NUB1: variants seen among roughly 807,000 people sequenced by gnomAD.
The protein encoded by NUB1 is NEDD8 ultimate buster 1.
Under a neutral mutation model 77.1 loss-of-function variants are expected in NUB1, and 41 were observed. The observed-to-expected ratio is 0.53, with a 90% CI of 0.41 to 0.69. The LOEUF (loss-of-function observed/expected upper bound fraction) is 0.69, where lower values mean the gene tolerates loss of function less well. Among genes scored for constraint, NUB1 ranks in the 30% least tolerant of loss-of-function variants. The pLI is 0.00. For synonymous variants in NUB1, 257 were observed against 281.0 expected, an observed-to-expected ratio of 0.91 and a Z score of 0.85; for missense variants, 643 against 743.8, an observed-to-expected ratio of 0.86 and a Z score of 1.58.
chr7:151,362,209 ATAAT>A (rs1797409617), intron 8 of NUB1, among the ~76,000 whole-genome samples: 2 of 152,192 alleles, frequency 1.3e-5, no homozygotes, highest in Non-Finnish European at 2.9e-5. Flanking sequence ...TAATGAAATA[ATAAT>A]TAACAATGTC....
At position 151,343,563 on chromosome 7, in the gene NUB1, T is replaced by G. The variant is rs969727367; in HGVS notation, c.-3+1717T>G. ...AATAACATTTTTCTTTACTTATTGC[T>G]TGTCTGATTTGGGAAACCTTAAAGC... On this transcript the variant is annotated intron_variant, in intron 1 of 14. Coordinates refer to ENST00000568733, the MANE Select transcript of NUB1 (RefSeq NM_001243351.2). Among the ~76,000 whole-genome samples, 125 of 152,330 alleles carry G rather than the reference T, an allele frequency of 8.2e-4. 1 individual carries two copies. The highest frequency in any genetic ancestry group is 2.6e-3 in the African/African-American group (107 of 41,564).
intron 1 of NUB1, among the ~76,000 whole-genome samples, chr7:151,344,333 C>T (rs150867880): frequency 0.075 from 11,180 of 149,876 alleles, 1,343 homozygotes; most frequent in African/African-American, 0.25. Flanking sequence ...TATTTTGAGA[C>T]GGAGTCTCAC....
rs755288080 is a variant in NUB1, at chr7:151,367,990, C to G, written c.1095+22C>G. 53 of 1,288,596 alleles carry G rather than the reference C, an allele frequency of 4.1e-5. 2 individuals carry two copies. In the South Asian group the frequency reaches 6.8e-4, roughly 16 times the overall value. 79.8% of individuals were successfully genotyped at this position (1,288,596 alleles called of 1,614,324 possible). ...CAAGGTAAGAAAAGTAAAGTTGTAA[C>G]CAATTTTCACCTCCTTTTAAAAAAC... On this transcript the variant is annotated intron_variant, in intron 10 of 14. Coordinates refer to ENST00000568733, the MANE Select transcript of NUB1 (RefSeq NM_001243351.2).
intron 8 of NUB1, chr7:151,360,801 A>C (rs1451354481): frequency 1.3e-5 from 2 of 151,492 alleles, no homozygotes; most frequent in African/African-American, 4.9e-5. Flanking sequence ...TGCCCAGATA[A>C]TTTTTTTGTA....
chr7:151,344,114 G>A (rs1796347519), intron 1 of NUB1, among the ~76,000 whole-genome samples: 1 of 137,572 alleles, frequency 7.3e-6, no homozygotes, highest in Admixed American at 7.6e-5. Context: ...CCGGGAGGCG[G>A]AGCTTGCAGT....
At chr7:151,359,706 G>A (rs1797278201) in intron 7 of NUB1, among the ~76,000 whole-genome samples, 1 of 152,074 alleles carries the variant, frequency 6.6e-6, no homozygotes, top group Non-Finnish European at 1.5e-5. Flanking sequence ...GAACCCAGGA[G>A]GCAGAGGTTG....
chr7:151,361,482 A>G (rs1256769307), intron 8 of NUB1, among the ~76,000 whole-genome samples: 3 of 152,222 alleles, frequency 2.0e-5, no homozygotes, highest in Non-Finnish European at 4.4e-5. Flanking sequence ...AGGAATCAGC[A>G]ATTTCCCAAG....
intron 12 of NUB1, chr7:151,374,450 G>T: frequency 1.5e-6 from 1 of 660,990 alleles, no homozygotes; most frequent in Non-Finnish European, 2.6e-6. Flanking sequence ...CTTGGCCCAG[G>T]CCTGGCTCCA....
intron 1 of NUB1, among the ~76,000 whole-genome samples, chr7:151,343,536 C>G (rs1301330158): frequency 6.6e-6 from 1 of 152,100 alleles, no homozygotes; most frequent in Non-Finnish European, 1.5e-5. Context: ...CATTCAGGGG[C>G]TAATAACATT....
In NUB1 at chr7:151,375,956, C is replaced by G. The variant is rs763364783; in HGVS notation, c.1491+13C>G. 1.3e-6 allele frequency: 2 copies of G among 1,561,714 alleles called. No homozygotes were observed. Among genetic ancestry groups the G allele is most frequent in the Non-Finnish European group, 1.8e-6 (2 of 1,132,630 alleles). On this transcript the variant is annotated intron_variant, in intron 13 of 14. Coordinates refer to ENST00000568733, the MANE Select transcript of NUB1 (RefSeq NM_001243351.2). The stretch of plus-strand genomic sequence containing the variant: ...AAACATTGACCGAGTGAGTGACAGG[C>G]CTTTGTGCCCTCAGCTTGGACAGCC...
chr7:151,351,704 A>G (rs1796803321), intron 4 of NUB1, among the ~76,000 whole-genome samples: 1 of 152,176 alleles, frequency 6.6e-6, no homozygotes, highest in African/African-American at 2.4e-5. Context: ...TTCCTGGTGT[A>G]ACTTCCGAGC....
chr7:151,365,281 TTGTG>T (rs1169837923), intron 8 of NUB1, among the ~76,000 whole-genome samples: 5 of 151,646 alleles, frequency 3.3e-5, no homozygotes, highest in Admixed American at 6.6e-5. Context: ...TTTGGGTTTT[TTGTG>T]TGTTTGTTCA....
chr7:151,357,608 G>GTTTTTT (rs111661341), intron 7 of NUB1, among the ~76,000 whole-genome samples: 1 of 143,148 alleles, frequency 7.0e-6, no homozygotes, highest in Non-Finnish European at 1.5e-5. Context: ...AAAGATTAAA[G>GTTTTTT]TTTTTTTTTT....
At chr7:151,342,128 G>A (rs866516990) in intron 1 of NUB1, among the ~76,000 whole-genome samples, 4 of 152,226 alleles carry the variant, frequency 2.6e-5, no homozygotes, top group Admixed American at 2.0e-4. Flanking sequence ...GGTTTGGGGA[G>A]AGAAAGGAAT....
rs1310712631 is a variant in NUB1, at chr7:151,351,426, T to C, written c.288T>C (p.Asp96=). ...TTACTTTGTCTTATTTTTAACAGGA[T>C]AGGAAAAACTTGTTGGAGACCCGAT... ...EVFLPPRLKK[D]RKNLLETRLH... The change falls in exon 4 of 15, where the codon GAT becomes GAC. Residue 96 remains aspartate (D), a splice_region_variant and synonymous_variant. Transcript: ENST00000568733. 1.2e-6 allele frequency: 2 copies of C among 1,609,630 alleles called. No homozygotes were observed. Among genetic ancestry groups the C allele is most frequent in the Non-Finnish European group, 1.7e-6 (2 of 1,176,590 alleles).
intron 1 of NUB1, among the ~76,000 whole-genome samples, chr7:151,342,671 T>C (rs1796268474): frequency 6.6e-6 from 1 of 152,230 alleles, no homozygotes; most frequent in Admixed American, 6.5e-5. Context: ...CTGAAGTTCC[T>C]TAAGTTTCAA....
rs1256401843 is a variant in NUB1, at chr7:151,374,191, C to T, written c.1343C>T (p.Ala448Val). 1.2e-5 allele frequency: 19 copies of T among 1,572,788 alleles called. No homozygotes were observed. Among genetic ancestry groups the T allele is most frequent in the African/African-American group, 6.8e-5 (5 of 73,806 alleles). Residue 448 changes from alanine to valine, a missense_variant, in exon 12 of 15, where the codon GCG becomes GTG. Ala to Val is a moderately conservative substitution (Grantham distance 64). Transcript: ENST00000568733. Reference protein sequence around the residue: ...FLKGMGYSTHAAQQVLHAASG... With the variant: ...FLKGMGYSTHVAQQVLHAASG... The stretch of plus-strand genomic sequence containing the variant: ...AAAGGGATGGGCTACTCCACGCACG[C>T]GGCCCAGCAGGTACTCCACGCAGCC...
rs1796665260 is a variant in NUB1, at chr7:151,349,138, A to G, written c.183A>G (p.Glu61=). The change falls in exon 3 of 15, where the codon GAA becomes GAG. Residue 61 remains glutamate (E), a synonymous_variant. Transcript: ENST00000568733. ...AAAATGAAGTAGAAAAGGTAATAGA[A>G]GAAATACGTTGCAAGGCAATTGAGC... ...CCENEVEKVI[E]EIRCKAIERG... is the part of the protein sequence containing the mutation. The G allele has an allele frequency of 4.3e-6, 7 of 1,613,846 alleles. No individual in the cohort carries two copies. In the East Asian group the frequency reaches 1.6e-4, roughly 36 times the overall value.
intron 11 of NUB1, 100 bp downstream of exon 11, chr7:151,368,987 A>G: frequency 8.0e-7 from 1 of 1,247,732 alleles, no homozygotes; most frequent in Non-Finnish European, 1.1e-6. Flanking sequence ...ATTACTCCAG[A>G]TTGGGAAGGA....
Sources: gnomAD v4.1 joint callset for allele counts (sites outside exome capture counted in the v4.1 genomes callset) on GRCh38, gnomAD v4.1.1 for gene constraint, MANE v1.5 for transcripts, NCBI Gene and HGNC (gene_info 2026-07-23, HGNC 2026-07-21) for gene names.